OTOP1: variants seen among roughly 807,000 people sequenced by gnomAD.
OTOP1 encodes the protein proton channel OTOP1.
A neutral mutation model predicts 52.9 loss-of-function variants in OTOP1; 59 were observed. The observed-to-expected ratio is 1.12, with a 90% confidence interval of 0.91 to 1.39. The LOEUF is 1.39. OTOP1 is among the 40% of genes most tolerant of loss of function. The pLI is 0.00. For missense variants in OTOP1, 761 were observed against 800.9 expected (o/e 0.95, Z 0.60); for synonymous variants, 317 against 337.7 (o/e 0.94, Z 0.67).
rs1716675484 is a variant in OTOP1 at position 4,197,696 on chromosome 4, C to A, written c.1138G>T (p.Asp380Tyr). The change falls in exon 5 of 6, where the codon GAT becomes TAT. Residue 380 changes from aspartate (D) to tyrosine (Y), a missense_variant. Physicochemically the swap from Asp to Tyr is radical, Grantham distance 160. Transcript: ENST00000296358. ...RIYRIDEKSLDESKNPARKLD... is the reference protein window; with the variant it reads ...RIYRIDEKSLYESKNPARKLD... ...TTGCGGGCCGGATTTTTGGACTCAT[C>A]CAGTGACTTCTCGTCTATCCTGTAA... 4 of 1,613,662 alleles carry A rather than the reference C, an allele frequency of 2.5e-6. No homozygotes were observed. In the Admixed American group the frequency reaches 6.7e-5, roughly 27 times the overall value.
chr4:4,197,771 T>C lies in OTOP1; in HGVS notation c.1063A>G (p.Ile355Val). The C allele has an allele frequency of 1.9e-6, 3 of 1,614,038 alleles. No individual in the cohort carries two copies. The South Asian group carries it at 3.3e-5, about 18-fold the overall frequency. ...GCCCCCATAAGCATCAGCAGGGTGA[T>C]GGCATACAGGTAGAACATGATGAGT... Reference protein sequence around the residue: ...SALIMFYLYAITLLMLMGAAG... With the variant: ...SALIMFYLYAVTLLMLMGAAG... Residue 355 changes from isoleucine (I) to valine (V), a missense_variant, in exon 5 of 6, where the codon ATC becomes GTC. By Grantham distance (29) the Ile-to-Val change is conservative (BLOSUM62 3). Around this residue, in one of 3 missense-constraint regions of OTOP1, gnomAD observed 632 missense variants for 619.5 expected, o/e 1.02. Transcript: ENST00000296358.
intron 2 of OTOP1, among the ~76,000 whole-genome samples, chr4:4,208,068 C>T (rs1463156639): frequency 1.3e-5 from 2 of 152,120 alleles, no homozygotes; most frequent in Admixed American, 1.3e-4. Flanking sequence ...AAAAAAACGT[C>T]GGGCACAGGA....
At chr4:4,208,506 T>C (rs1452110989) in intron 2 of OTOP1, among the ~76,000 whole-genome samples, 4 of 152,256 alleles carry the variant, frequency 2.6e-5, no homozygotes, top group African/African-American at 7.2e-5. Context: ...CGTTATGCTG[T>C]GAGAAATAAG....
chr4:4,210,638 C>A (rs1717005755), intron 2 of OTOP1, among the ~76,000 whole-genome samples: 1 of 152,122 alleles, frequency 6.6e-6, no homozygotes, highest in Non-Finnish European at 1.5e-5. Context: ...CGAGACCAGC[C>A]TGGCCAACAT....
intron 5 of OTOP1, among the ~76,000 whole-genome samples, chr4:4,189,403 A>T (rs1283062798): frequency 6.6e-6 from 1 of 151,954 alleles, no homozygotes; most frequent in Non-Finnish European, 1.5e-5. Flanking sequence ...TGCTTCTCAG[A>T]CTCTTTTGTG....
At chr4:4,200,672 G>A (rs1658908264) in intron 4 of OTOP1, among the ~76,000 whole-genome samples, 1 of 147,042 alleles carries the variant, frequency 6.8e-6, no homozygotes, top group African/African-American at 2.5e-5. Flanking sequence ...ACCTGCGTCA[G>A]TCTCCCATGT....
In OTOP1 at chr4:4,197,767, G is replaced by T. The variant is rs768849476; in HGVS notation, c.1067C>A (p.Thr356Asn). Residue 356 changes from threonine (T) to asparagine (N), a missense_variant, in exon 5 of 6, where the codon ACC (threonine) becomes AAC (asparagine). Transcript: ENST00000296358. ...ALIMFYLYAITLLMLMGAAGL... is the reference protein window; with the variant it reads ...ALIMFYLYAINLLMLMGAAGL... ...CGCAGCCCCCATAAGCATCAGCAGG[G>T]TGATGGCATACAGGTAGAACATGAT... 6 of 1,613,980 alleles carry T rather than the reference G, an allele frequency of 3.7e-6. No individual in the cohort carries two copies. The South Asian group carries it at 6.6e-5, about 18-fold the overall frequency.
chr4:4,217,724 A>T (rs1347865871), intron 1 of OTOP1, among the ~76,000 whole-genome samples: 1 of 152,222 alleles, frequency 6.6e-6, no homozygotes, highest in Non-Finnish European at 1.5e-5. Flanking sequence ...TTGAAGGTAC[A>T]TGGGCAGGAA....
At chr4:4,192,592 G>T (rs748074308) in intron 5 of OTOP1, among the ~76,000 whole-genome samples, 2 of 152,090 alleles carry the variant, frequency 1.3e-5, no homozygotes, top group African/African-American at 2.4e-5. Flanking sequence ...CTTAACTCTG[G>T]TCCTTCCTTC....
intron 1 of OTOP1, among the ~76,000 whole-genome samples, chr4:4,223,681 C>A (rs537723534): frequency 6.6e-6 from 1 of 151,812 alleles, no homozygotes; most frequent in Non-Finnish European, 1.5e-5. Context: ...AGGCAGATAA[C>A]CTGAGCTCAG....
intron 5 of OTOP1, among the ~76,000 whole-genome samples, chr4:4,192,847 C>A (rs1716543538): frequency 6.6e-6 from 1 of 152,116 alleles, no homozygotes; most frequent in African/African-American, 2.4e-5. Context: ...AGTCAAATTC[C>A]TAGAGACTGA....
chr4:4,200,223 T>C (rs1477968637), intron 4 of OTOP1, among the ~76,000 whole-genome samples: 1 of 152,096 alleles, frequency 6.6e-6, no homozygotes. Context: ...CAGCTGGGCG[T>C]GGTGGCTCAC....
chr4:4,226,400 G>T lies in OTOP1; in HGVS notation c.403+62C>A, dbSNP rs932682646. The T allele has an allele frequency of 3.7e-6, 5 of 1,360,780 alleles. No individual in the cohort carries two copies. In the Admixed American group the frequency reaches 1.7e-4, roughly 46 times the overall value. The allele number at this position is 1,360,780 out of a possible 1,614,324, so 84.3% of individuals were successfully genotyped here. Reference sequence around the variant, plus strand: ...GCAGCGGTAGGAAGGGCGCAGAGCAGCCTCAGGATGCAGCCAGCGGGCGAG... The same window carrying T: ...GCAGCGGTAGGAAGGGCGCAGAGCATCCTCAGGATGCAGCCAGCGGGCGAG... On this transcript the variant is annotated intron_variant, in intron 1 of 5. Coordinates refer to ENST00000296358, the MANE Select transcript of OTOP1 (RefSeq NM_177998.3).
chr4:4,200,262 G>C (rs190884377), intron 4 of OTOP1, among the ~76,000 whole-genome samples: 3 of 152,032 alleles, frequency 2.0e-5, no homozygotes, highest in Non-Finnish European at 4.4e-5. Context: ...TTGGAAGGCC[G>C]AGGCGGGCGG....
chr4:4,198,114 C>A lies in OTOP1; in HGVS notation c.731-11G>T, dbSNP rs758138179. On this transcript the variant is annotated splice_polypyrimidine_tract_variant and intron_variant, in intron 4 of 5. Coordinates refer to ENST00000296358, the MANE Select transcript of OTOP1 (RefSeq NM_177998.3). ...TGTGGTCATCTAAAACTAGGGGAGACAGGTAGATCACACAGGAGGGCGATT... is the reference window on the plus strand; with the variant it reads ...TGTGGTCATCTAAAACTAGGGGAGAAAGGTAGATCACACAGGAGGGCGATT... 8.5e-5 allele frequency: 136 copies of A among 1,600,064 alleles called. No individual in the cohort carries two copies. The highest frequency in any genetic ancestry group is 1.1e-4 in the Non-Finnish European group (131 of 1,167,798).
rs1346804843 is a variant in OTOP1 at position 4,190,651 on chromosome 4, G to A, written c.1669-1678C>T. ...TAGAGATGTCTTAAAGTGTATGGGAGGATGGGTAGGTTACATGCAAATATT... is the reference window on the plus strand; with the variant it reads ...TAGAGATGTCTTAAAGTGTATGGGAAGATGGGTAGGTTACATGCAAATATT... On this transcript the variant is annotated intron_variant, in intron 5 of 5. Coordinates refer to ENST00000296358, the MANE Select transcript of OTOP1 (RefSeq NM_177998.3). Among the ~76,000 whole-genome samples, 2 of 152,254 alleles carry A rather than the reference G, an allele frequency of 1.3e-5. 1 individual carries two copies. Among genetic ancestry groups the A allele is most frequent in the African/African-American group, 4.8e-5 (2 of 41,534 alleles).
chr4:4,220,647 A>C (rs1717279475), intron 1 of OTOP1, among the ~76,000 whole-genome samples: 1 of 152,196 alleles, frequency 6.6e-6, no homozygotes, highest in African/African-American at 2.4e-5. Flanking sequence ...CTTACCTAGA[A>C]AGTTCTATAA....
chr4:4,209,768 T>C (rs2980136), intron 2 of OTOP1, among the ~76,000 whole-genome samples: 89,415 of 151,982 alleles, frequency 0.59, 27,168 homozygotes, highest in African/African-American at 0.73. Flanking sequence ...CAGCTGTGGT[T>C]GGAGCCAGAG....
chr4:4,220,419 C>CA (rs1186878261), intron 1 of OTOP1, among the ~76,000 whole-genome samples: 2 of 152,148 alleles, frequency 1.3e-5, no homozygotes, highest in East Asian at 1.9e-4. Flanking sequence ...GGAATATTGA[C>CA]AAAAAATATG....
Sources: gnomAD v4.1 joint callset for allele counts (sites outside exome capture counted in the v4.1 genomes callset) on GRCh38, gnomAD v4.1.1 for gene constraint, gnomAD v4.1.1 regional missense constraint, MANE v1.5 for transcripts, NCBI Gene and HGNC (gene_info 2026-07-23, HGNC 2026-07-21) for gene names.